Variants in ASTN2 observed in about 807,000 individuals in gnomAD.
ASTN2 encodes astrotactin 2.
ASTN2 carries 54 observed loss-of-function variants against 139.8 expected under a neutral mutation model. The observed-to-expected ratio is 0.39, with a 90% CI of 0.31 to 0.48. The LOEUF (loss-of-function observed/expected upper bound fraction) is 0.48. Among genes scored for constraint, ASTN2 ranks in the 20% least tolerant of loss-of-function variants. The pLI is 0.95. For missense variants in ASTN2, 1,565 were observed against 1,725.1 expected, an observed-to-expected ratio of 0.91 and a Z score of 1.64; for synonymous variants, 756 against 719.5, an observed-to-expected ratio of 1.05 and a Z score of -0.81.
intron 3 of ASTN2, among the ~76,000 whole-genome samples, chr9:117,174,393 T>C (rs1399066990): frequency 6.6e-6 from 1 of 151,974 alleles, no homozygotes; most frequent in South Asian, 2.1e-4. Flanking sequence ...AATAGCCATA[T>C]AAATATTTGA....
At chr9:116,951,285 C>A (rs1008889834) in intron 10 of ASTN2, among the ~76,000 whole-genome samples, 7 of 127,194 alleles carry the variant, frequency 5.5e-5, no homozygotes, top group Non-Finnish European at 1.1e-4. Flanking sequence ...TGCAGTGAGC[C>A]AAGATCACGC....
rs549857802 is a variant in ASTN2, at chr9:116,700,441, T to C, written c.2806+25330A>G. The C allele has an allele frequency of 1.2e-5, 2 of 167,286 alleles. No individual in the cohort carries two copies. Among genetic ancestry groups the C allele is most frequent in the Non-Finnish European group, 2.9e-5 (2 of 68,222 alleles). The allele number at this position is 167,286 out of a possible 1,614,324, so 10.4% of individuals were successfully genotyped here. A position where few individuals can be genotyped will look rare whatever the true frequency, so the allele number is the denominator to read the frequency against. On this transcript the variant is annotated intron_variant, in intron 16 of 22. Transcript: ENST00000313400. ...TAAAGAAGCATATATGGGTTGGAAT[T>C]ATGCCAAAGCATAGGAAGCTGGGAA...
chr9:116,766,020 A>C (rs1829797055), intron 13 of ASTN2, among the ~76,000 whole-genome samples: 1 of 152,154 alleles, frequency 6.6e-6, no homozygotes, highest in South Asian at 2.1e-4. Context: ...GGCTACTATT[A>C]CCTGTCAATA....
At chr9:116,855,786 T>C (rs1298693759) in intron 11 of ASTN2, among the ~76,000 whole-genome samples, 2 of 152,178 alleles carry the variant, frequency 1.3e-5, no homozygotes, top group African/African-American at 4.8e-5. Context: ...TATTTCCTCA[T>C]GGATAAAATG....
chr9:117,118,580 A>G (rs1352610946), intron 4 of ASTN2, among the ~76,000 whole-genome samples: 1 of 152,238 alleles, frequency 6.6e-6, no homozygotes, highest in Non-Finnish European at 1.5e-5. Context: ...TAGAGAGGTC[A>G]GATTATAAAT....
intron 17 of ASTN2, among the ~76,000 whole-genome samples, chr9:116,629,245 G>A (rs1856615114): frequency 6.6e-6 from 1 of 151,408 alleles, no homozygotes; most frequent in African/African-American, 2.4e-5. Context: ...AGCCTCTGGA[G>A]TAGCTGGGAC....
At chr9:116,449,525 A>G (rs1281096847) in intron 20 of ASTN2, among the ~76,000 whole-genome samples, 1 of 152,226 alleles carries the variant, frequency 6.6e-6, no homozygotes, top group Non-Finnish European at 1.5e-5. Context: ...AAGTTAGCAT[A>G]ATTGTTATTC....
intron 10 of ASTN2, among the ~76,000 whole-genome samples, chr9:116,868,622 G>C (rs1833077406): frequency 6.6e-6 from 1 of 152,190 alleles, no homozygotes. Flanking sequence ...TTTACTAGAA[G>C]GGCCATAACA....
chr9:117,321,605 G>C (rs1260260274), intron 1 of ASTN2, among the ~76,000 whole-genome samples: 1 of 152,068 alleles, frequency 6.6e-6, no homozygotes, highest in Non-Finnish European at 1.5e-5. Context: ...AGACAGGAGG[G>C]GTCACCATGG....
At chr9:117,328,957 G>A (rs768743848) in intron 1 of ASTN2, among the ~76,000 whole-genome samples, 1 of 152,164 alleles carries the variant, frequency 6.6e-6, no homozygotes, top group African/African-American at 2.4e-5. Flanking sequence ...GGATGCCATC[G>A]AAGGAGTCTG....
intron 3 of ASTN2, among the ~76,000 whole-genome samples, chr9:117,198,639 T>A (rs1831593749): frequency 6.6e-6 from 1 of 152,198 alleles, no homozygotes; most frequent in African/African-American, 2.4e-5. Context: ...TTTATATTCC[T>A]TTGGGTATAT....
At chr9:116,722,305 A>G (rs535539811) in intron 16 of ASTN2, among the ~76,000 whole-genome samples, 1 of 152,292 alleles carries the variant, frequency 6.6e-6, no homozygotes, top group Non-Finnish European at 1.5e-5. Flanking sequence ...CAGACAATCA[A>G]TGAATAACTA....
chr9:117,288,742 C>A (rs913099602), intron 2 of ASTN2, among the ~76,000 whole-genome samples: 2 of 152,204 alleles, frequency 1.3e-5, no homozygotes, highest in African/African-American at 4.8e-5. Flanking sequence ...GTCTGAGCCA[C>A]AGAGAGGCCT....
At chr9:116,955,034 G>A (rs1437120937) in intron 10 of ASTN2, among the ~76,000 whole-genome samples, 1 of 152,204 alleles carries the variant, frequency 6.6e-6, no homozygotes, top group African/African-American at 2.4e-5. Context: ...TTCCACTTTT[G>A]GCAGAATGAG....
intron 16 of ASTN2, among the ~76,000 whole-genome samples, chr9:116,694,885 T>G: frequency 6.6e-6 from 1 of 152,112 alleles, no homozygotes; most frequent in African/African-American, 2.4e-5. Context: ...GCTCATGATA[T>G]ATGGTAAATA....
chr9:116,656,631 ACT>A (rs1858228626), intron 16 of ASTN2, among the ~76,000 whole-genome samples: 1 of 143,702 alleles, frequency 7.0e-6, no homozygotes, highest in African/African-American at 2.6e-5. Flanking sequence ...TGCCAACTGA[ACT>A]CTCTTTTTTC....
chr9:116,571,197 C>G (rs530992389), intron 19 of ASTN2, among the ~76,000 whole-genome samples: 1 of 152,268 alleles, frequency 6.6e-6, no homozygotes, highest in East Asian at 1.9e-4. Flanking sequence ...TTTCCTCTCC[C>G]TGGGGCACCA....
intron 20 of ASTN2, among the ~76,000 whole-genome samples, chr9:116,454,556 A>G (rs1162657933): frequency 6.6e-6 from 1 of 152,180 alleles, no homozygotes; most frequent in African/African-American, 2.4e-5. Flanking sequence ...TACCCAAATG[A>G]TTATAAATCA....
At chr9:116,567,569 T>C (rs575738913) in intron 19 of ASTN2, among the ~76,000 whole-genome samples, 3 of 152,156 alleles carry the variant, frequency 2.0e-5, no homozygotes, top group Non-Finnish European at 4.4e-5. Context: ...CACAGGAGGC[T>C]TGTGACATCA....
Sources: allele counts gnomAD v4.1 joint callset (sites outside exome capture counted in the v4.1 genomes callset), GRCh38; gene constraint gnomAD v4.1.1; transcripts MANE v1.5; gene names NCBI Gene and HGNC (gene_info 2026-07-23, HGNC 2026-07-21).